The following PRKN variants were observed in gnomAD, a reference collection of about 807,000 sequenced individuals.
PRKN encodes the protein parkin RBR E3 ubiquitin protein ligase.
A neutral mutation model predicts 59.5 loss-of-function variants in PRKN; 56 were observed. That is an observed-to-expected ratio of 0.94 (90% CI 0.76 to 1.18). The LOEUF is 1.18. Among genes scored for constraint, PRKN ranks in the 50% most tolerant of loss-of-function variants. The pLI, the probability that PRKN is intolerant of heterozygous loss-of-function variation, is 0.00. For missense variants in PRKN, 657 were observed against 596.4 expected (o/e 1.10, Z -1.06); for synonymous variants, 250 against 222.1 (o/e 1.13, Z -1.12).
At chr6:162,131,371 T>C (rs1038442692) in intron 4 of PRKN, among the ~76,000 whole-genome samples, 7 of 152,218 alleles carry the variant, frequency 4.6e-5, no homozygotes, top group African/African-American at 1.4e-4. Context: ...TATAATGTTC[T>C]CTCTTTTCAC....
intron 1 of PRKN, among the ~76,000 whole-genome samples, chr6:162,506,800 G>A (rs1235052459): frequency 1.3e-5 from 2 of 152,150 alleles, no homozygotes; most frequent in Admixed American, 6.5e-5. Context: ...GGAGGCAAGA[G>A]CACATCACAG....
At chr6:162,721,570 T>C (rs10945859) in intron 1 of PRKN, among the ~76,000 whole-genome samples, 27,023 of 152,164 alleles carry the variant, frequency 0.18, 3,096 homozygotes, top group East Asian at 0.48. Flanking sequence ...AGTTAACTCC[T>C]ACTTGTCCTG....
intron 2 of PRKN, among the ~76,000 whole-genome samples, chr6:162,339,093 C>T (rs1343047381): frequency 2.7e-5 from 4 of 145,804 alleles, no homozygotes; most frequent in South Asian, 2.2e-4. Flanking sequence ...CCCCTCCGAC[C>T]GGCAGCCGCC....
chr6:162,461,805 G>A (rs1263367281), intron 1 of PRKN, among the ~76,000 whole-genome samples: 5 of 150,302 alleles, frequency 3.3e-5, no homozygotes, highest in African/African-American at 7.3e-5. Context: ...CAGCCTGGGC[G>A]ACAGGCTGAG....
At chr6:162,440,316 C>T (rs1014634190) in intron 2 of PRKN, among the ~76,000 whole-genome samples, 7 of 151,940 alleles carry the variant, frequency 4.6e-5, no homozygotes, top group Admixed American at 1.3e-4. Context: ...TTACAAATAC[C>T]CTTTGCCAGT....
chr6:162,709,271 G>A (rs146815273), intron 1 of PRKN, among the ~76,000 whole-genome samples: 10 of 152,000 alleles, frequency 6.6e-5, no homozygotes, highest in African/African-American at 9.7e-5. Flanking sequence ...CACCCTCCTC[G>A]CCCTGATCCA....
At chr6:162,328,844 C>T (rs999986984) in intron 2 of PRKN, among the ~76,000 whole-genome samples, 18 of 152,126 alleles carry the variant, frequency 1.2e-4, no homozygotes, top group Admixed American at 3.3e-4. Flanking sequence ...GGTTCCTGGG[C>T]CAGAGAGCAG....
At chr6:161,792,449 G>C (rs1231613770) in intron 6 of PRKN, among the ~76,000 whole-genome samples, 2 of 152,210 alleles carry the variant, frequency 1.3e-5, no homozygotes, top group Non-Finnish European at 2.9e-5. Flanking sequence ...AGAATGCTCA[G>C]TTATCAAGAG....
At position 161,393,945 on chromosome 6, in the gene PRKN, ACTT is replaced by A. The variant is rs552629427; in HGVS notation, c.1084-7071_1084-7069del. 4.7e-4 allele frequency among the ~76,000 whole-genome samples: 71 copies of A among 152,282 alleles called. 1 individual carries two copies. The highest frequency in any genetic ancestry group is 1.5e-3 in the African/African-American group (64 of 41,550). On this transcript the variant is annotated intron_variant, in intron 9 of 11. Transcript: ENST00000366898. This position sits in a 1 kb window ranked among gnomAD's most constrained non-coding sequence, Gnocchi z 4.7. Reference sequence around the variant, plus strand: ...TCAAAGGCATGAAGCACACATTTGTACTTCTTTGGGAATAGATGAAATATTTTT... The same window carrying A: ...TCAAAGGCATGAAGCACACATTTGTACTTTGGGAATAGATGAAATATTTTT...
intron 1 of PRKN, among the ~76,000 whole-genome samples, chr6:162,535,206 T>C (rs888704991): frequency 6.6e-6 from 1 of 152,186 alleles, no homozygotes; most frequent in Admixed American, 6.5e-5. Context: ...TCGGTCTTTC[T>C]GCAGCTCAGA....
intron 2 of PRKN, among the ~76,000 whole-genome samples, chr6:162,344,422 A>G (rs561896021): frequency 6.6e-6 from 1 of 152,218 alleles, no homozygotes; most frequent in South Asian, 2.1e-4. Flanking sequence ...TACTTTTAAC[A>G]GATGTGATTC....
intron 4 of PRKN, among the ~76,000 whole-genome samples, chr6:162,168,932 T>C: frequency 6.6e-6 from 1 of 152,208 alleles, no homozygotes; most frequent in East Asian, 1.9e-4. Context: ...AAGCTTATTG[T>C]TACCCATTGT....
intron 9 of PRKN, among the ~76,000 whole-genome samples, chr6:161,433,096 C>A (rs1172874030): frequency 6.6e-6 from 1 of 152,144 alleles, no homozygotes; most frequent in African/African-American, 2.4e-5. Flanking sequence ...GATAGACTAT[C>A]ATGTGATTTT....
chr6:161,519,241 T>C (rs1420453691), intron 9 of PRKN, among the ~76,000 whole-genome samples: 2 of 152,276 alleles, frequency 1.3e-5, no homozygotes, highest in East Asian at 3.9e-4. Context: ...GGTTCCCCTC[T>C]GAATCCTGCT....
At chr6:162,583,704 T>C (rs562470494) in intron 1 of PRKN, among the ~76,000 whole-genome samples, 27 of 152,322 alleles carry the variant, frequency 1.8e-4, no homozygotes, top group Non-Finnish European at 3.4e-4. Context: ...GCGAGACTCA[T>C]AAACTCTACA....
chr6:161,757,248 T>C (rs1446075634), intron 7 of PRKN, among the ~76,000 whole-genome samples: 2 of 152,132 alleles, frequency 1.3e-5, no homozygotes, highest in African/African-American at 4.8e-5. Flanking sequence ...TAACTGAAAT[T>C]AAAAACTTCT....
intron 6 of PRKN, among the ~76,000 whole-genome samples, chr6:161,854,770 T>C (rs1793577475): frequency 6.6e-6 from 1 of 152,136 alleles, no homozygotes; most frequent in Admixed American, 6.5e-5. Flanking sequence ...AAAACTCGCA[T>C]GTCTTACTGC....
rs532143009 is a variant in PRKN, at chr6:161,631,399, TG to T, written c.872-61984del. Among the ~76,000 whole-genome samples, 14 of 152,314 alleles carry T rather than the reference TG, an allele frequency of 9.2e-5. No individual in the cohort carries two copies. In the South Asian group the frequency reaches 2.9e-3, roughly 32 times the overall value. On this transcript the variant is annotated intron_variant, in intron 7 of 11. Coordinates refer to ENST00000366898, the MANE Select transcript of PRKN (RefSeq NM_004562.3). ...AGACTCACAAGTAGCTCAGTCAGAC[TG>T]GTAAGAGACAAGACAGGAGAAGAGT...
At chr6:162,402,535 A>G (rs1787847053) in intron 2 of PRKN, among the ~76,000 whole-genome samples, 2 of 152,026 alleles carry the variant, frequency 1.3e-5, no homozygotes, top group African/African-American at 4.8e-5. Flanking sequence ...CTGACCCCCA[A>G]AAAAGGAAAA....
Sources: gnomAD v4.1 joint callset for allele counts (sites outside exome capture counted in the v4.1 genomes callset) on GRCh38, gnomAD v4.1.1 for gene constraint, Gnocchi (gnomAD v3.1) non-coding constraint, MANE v1.5 for transcripts, NCBI Gene and HGNC (gene_info 2026-07-23, HGNC 2026-07-21) for gene names.